The following ZNF804B variants were observed in gnomAD, a reference collection of about 807,000 sequenced individuals.
The protein encoded by ZNF804B is zinc finger 804B.
A neutral mutation model predicts 101.4 loss-of-function variants in ZNF804B; 80 were observed. The ratio of observed to expected loss-of-function variants is 0.79; its 90% CI spans 0.66 to 0.95. The LOEUF (loss-of-function observed/expected upper bound fraction) is 0.95, where lower values mean the gene tolerates loss of function less well. Among genes scored for constraint, ZNF804B ranks in the 40% least tolerant of loss-of-function variants. The pLI is 0.00. For missense variants in ZNF804B, 1,673 were observed against 1,561.9 expected, an observed-to-expected ratio of 1.07 and a Z score of -1.20; for synonymous variants, 622 against 558.8, an observed-to-expected ratio of 1.11 and a Z score of -1.59.
At chr7:89,195,969 C>T (rs1248098106) in intron 1 of ZNF804B, among the ~76,000 whole-genome samples, 1 of 151,982 alleles carries the variant, frequency 6.6e-6, no homozygotes, top group African/African-American at 2.4e-5. Flanking sequence ...ATGAAAATGG[C>T]CATACTGCCC....
chr7:88,996,431 C>G (rs1191538262), intron 1 of ZNF804B, among the ~76,000 whole-genome samples: 3 of 152,036 alleles, frequency 2.0e-5, no homozygotes, highest in Non-Finnish European at 4.4e-5. Flanking sequence ...TGCAATTCTT[C>G]CTTATATTCA....
intron 2 of ZNF804B, among the ~76,000 whole-genome samples, chr7:89,300,191 A>G (rs1395730005): frequency 6.6e-6 from 1 of 151,720 alleles, no homozygotes; most frequent in Non-Finnish European, 1.5e-5. Flanking sequence ...ACCACTGTAT[A>G]GTTCAAAATA....
intron 1 of ZNF804B, among the ~76,000 whole-genome samples, chr7:89,148,622 C>A (rs1269411915): frequency 6.6e-6 from 1 of 151,924 alleles, no homozygotes; most frequent in Non-Finnish European, 1.5e-5. Flanking sequence ...AAAATTAAAT[C>A]AATATTATCT....
chr7:88,826,149 G>T (rs1032390458), intron 1 of ZNF804B, among the ~76,000 whole-genome samples: 2 of 152,124 alleles, frequency 1.3e-5, no homozygotes, highest in African/African-American at 2.4e-5. Context: ...AGAATTGTCT[G>T]AAAAACATTG....
chr7:89,061,804 ACATCTC>A (rs1396322529), intron 1 of ZNF804B, among the ~76,000 whole-genome samples: 2 of 152,094 alleles, frequency 1.3e-5, no homozygotes, highest in Non-Finnish European at 2.9e-5. Flanking sequence ...TGTCTATTGC[ACATCTC>A]CATCATCAGG....
intron 2 of ZNF804B, among the ~76,000 whole-genome samples, chr7:89,298,248 A>ATG (rs1790419837): frequency 1.7e-5 from 2 of 119,658 alleles, no homozygotes; most frequent in Non-Finnish European, 3.4e-5. Flanking sequence ...ATATATATAT[A>ATG]TATATATATA....
chr7:88,989,819 T>A (rs914104814), intron 1 of ZNF804B, among the ~76,000 whole-genome samples: 61 of 152,232 alleles, frequency 4.0e-4, no homozygotes, highest in Admixed American at 1.4e-3. Context: ...CTACGAAATC[T>A]AAAATTGACC....
intron 1 of ZNF804B, among the ~76,000 whole-genome samples, chr7:89,052,046 T>C (rs556356867): frequency 2.6e-5 from 4 of 152,334 alleles, no homozygotes; most frequent in South Asian, 2.1e-4. Flanking sequence ...TTGTTAAATA[T>C]GTCTAATTTG....
intron 1 of ZNF804B, among the ~76,000 whole-genome samples, chr7:89,019,303 G>A (rs1168597658): frequency 6.6e-6 from 1 of 151,756 alleles, no homozygotes; most frequent in Non-Finnish European, 1.5e-5. Flanking sequence ...TATTCCTCTT[G>A]GTATAGATTT....
chr7:88,952,115 A>G (rs1314001749), intron 1 of ZNF804B, among the ~76,000 whole-genome samples: 1 of 151,792 alleles, frequency 6.6e-6, no homozygotes, highest in African/African-American at 2.4e-5. Flanking sequence ...TCTTTGGCAG[A>G]CTTGGTAAAG....
intron 1 of ZNF804B, among the ~76,000 whole-genome samples, chr7:89,181,535 T>A (rs1397127336): frequency 1.3e-5 from 2 of 152,144 alleles, no homozygotes; most frequent in African/African-American, 2.4e-5. Context: ...AGCACACAGA[T>A]TATTTCTTCG....
chr7:89,063,681 C>A (rs1789409455), intron 1 of ZNF804B, among the ~76,000 whole-genome samples: 2 of 152,114 alleles, frequency 1.3e-5, no homozygotes, highest in South Asian at 4.1e-4. Context: ...AAAATATTTT[C>A]TTTGTTTTCA....
chr7:89,160,773 CT>C (rs1425558165), intron 1 of ZNF804B, among the ~76,000 whole-genome samples: 6 of 152,144 alleles, frequency 3.9e-5, no homozygotes, highest in African/African-American at 1.4e-4. Context: ...AATCTGGCTT[CT>C]GAACTAAATC....
At chr7:89,074,445 A>T (rs1445769094) in intron 1 of ZNF804B, among the ~76,000 whole-genome samples, 1 of 152,112 alleles carries the variant, frequency 6.6e-6, no homozygotes. Context: ...GTCTTATGAG[A>T]TCTGATGGTC....
chr7:89,148,871 G>T (rs766354697), intron 1 of ZNF804B, among the ~76,000 whole-genome samples: 2 of 151,960 alleles, frequency 1.3e-5, no homozygotes, highest in African/African-American at 4.8e-5. Flanking sequence ...TCTAAAAAAA[G>T]TCTCAATTTT....
intron 1 of ZNF804B, among the ~76,000 whole-genome samples, chr7:88,817,673 G>A (rs1005849873): frequency 2.0e-5 from 3 of 152,120 alleles, no homozygotes; most frequent in Non-Finnish European, 1.5e-5. Context: ...TCTTCCATTG[G>A]TGTGATATAT....
intron 1 of ZNF804B, among the ~76,000 whole-genome samples, chr7:89,086,104 T>G (rs993437376): frequency 6.6e-6 from 1 of 151,996 alleles, no homozygotes; most frequent in African/African-American, 2.4e-5. Context: ...AAGAGCCTGT[T>G]ATCATTTTCT....
intron 2 of ZNF804B, among the ~76,000 whole-genome samples, chr7:89,278,516 T>C (rs1421308336): frequency 1.3e-5 from 2 of 151,886 alleles, no homozygotes; most frequent in Admixed American, 6.6e-5. Flanking sequence ...GCATCTTGAA[T>C]TGATTTTTGT....
chr7:88,766,916 C>A (rs934636993), intron 1 of ZNF804B, among the ~76,000 whole-genome samples: 1 of 152,120 alleles, frequency 6.6e-6, no homozygotes, highest in Non-Finnish European at 1.5e-5. Flanking sequence ...TTTTCTTTGA[C>A]AATTGGCAAT....
Sources: allele counts gnomAD v4.1 joint callset (sites outside exome capture counted in the v4.1 genomes callset), GRCh38; gene constraint gnomAD v4.1.1; transcripts MANE v1.5; gene names NCBI Gene and HGNC (gene_info 2026-07-23, HGNC 2026-07-21).